Variants in RNF17 observed in about 807,000 individuals in gnomAD.
RNF17 encodes the protein ring finger protein 17.
RNF17 carries 31 observed loss-of-function variants against 200.5 expected under a neutral mutation model. That is an observed-to-expected ratio of 0.15 (90% CI 0.12 to 0.21). The LOEUF (loss-of-function observed/expected upper bound fraction) is 0.21, where lower values mean the gene tolerates loss of function less well. Among genes scored for constraint, RNF17 ranks in the 10% least tolerant of loss-of-function variants. The pLI, the probability that RNF17 is intolerant of heterozygous loss-of-function variation, is 1.00. For missense variants in RNF17, 1,628 were observed against 1,905.1 expected, an observed-to-expected ratio of 0.85 and a Z score of 2.71; for synonymous variants, 606 against 637.8, an observed-to-expected ratio of 0.95 and a Z score of 0.75.
At chr13:24,774,125 T>C (rs558940044) in intron 2 of RNF17, among the ~76,000 whole-genome samples, 2 of 152,364 alleles carry the variant, frequency 1.3e-5, no homozygotes, top group South Asian at 4.1e-4. Flanking sequence ...CAGTGGACTT[T>C]AGGAATTCTA....
Position 24,872,874 on chromosome 13 carries a change from A to G in RNF17, c.4448-1240A>G, listed in dbSNP as rs1450955748. Among the ~76,000 whole-genome samples, 5 of 116,988 alleles carry G rather than the reference A, an allele frequency of 4.3e-5. No individual in the cohort carries two copies. The East Asian group carries it at 1.2e-3, about 27-fold the overall frequency. 76.7% of individuals were successfully genotyped at this position (116,988 alleles called of 152,430 possible). ...AAGGGCTCAGGAAAACTTTAGATGA[A>G]GGGGGACAGCCATGAACTAAATAGA... On this transcript the variant is annotated intron_variant, in intron 32 of 35. Coordinates refer to ENST00000255324, the MANE Select transcript of RNF17 (RefSeq NM_031277.3).
At chr13:24,804,459 G>A (rs1885608795) in intron 15 of RNF17, 30 bp downstream of exon 15, 3 of 1,537,822 alleles carry the variant, frequency 2.0e-6, no homozygotes, top group Non-Finnish European at 2.6e-6. Flanking sequence ...TTGAAATGAA[G>A]TTTTTAAAAA....
intron 15 of RNF17, among the ~76,000 whole-genome samples, chr13:24,813,993 A>G (rs114603118): frequency 0.02 from 3,058 of 152,006 alleles, 106 homozygotes; most frequent in African/African-American, 0.07. Flanking sequence ...ACAAAACTTA[A>G]CTACTAATAG....
chr13:24,764,010 C>G, upstream of RNF17: 1 of 459,090 alleles, frequency 2.2e-6, no homozygotes, highest in Non-Finnish European at 3.9e-6. Flanking sequence ...CCACAAGGCG[C>G]CCCTTCTAGG....
chr13:24,795,790 A>G (rs531325555), intron 10 of RNF17, among the ~76,000 whole-genome samples: 42 of 152,292 alleles, frequency 2.8e-4, no homozygotes, highest in Middle Eastern at 6.8e-3. Flanking sequence ...TGAGTTCCAA[A>G]TATGTTCATA....
the RNF17 span, among the ~76,000 whole-genome samples, chr13:24,754,341 G>A: frequency 6.6e-6 from 1 of 152,056 alleles, no homozygotes; most frequent in Non-Finnish European, 1.5e-5. Context: ...CAGACTCCAG[G>A]AGTAGACATA....
intron 11 of RNF17, among the ~76,000 whole-genome samples, chr13:24,796,885 T>C (rs1884643131): frequency 6.6e-6 from 1 of 152,272 alleles, no homozygotes; most frequent in East Asian, 1.9e-4. Flanking sequence ...ATAGAGTATT[T>C]TTCTCATTAT....
At chr13:24,832,954 C>T (rs1889578306) in intron 18 of RNF17, among the ~76,000 whole-genome samples, 2 of 152,126 alleles carry the variant, frequency 1.3e-5, no homozygotes, top group Admixed American at 1.3e-4. Context: ...CTTTGTTGCT[C>T]AGGCCAGTCT....
intron 29 of RNF17, 66 bp downstream of exon 29, chr13:24,865,064 G>A: frequency 5.2e-6 from 6 of 1,155,816 alleles, no homozygotes; most frequent in South Asian, 1.4e-5. Flanking sequence ...GTCACATTTT[G>A]TCTTACACTG....
At chr13:24,795,439 T>TA (rs56970082) in intron 10 of RNF17, among the ~76,000 whole-genome samples, 4 of 150,350 alleles carry the variant, frequency 2.7e-5, no homozygotes, top group Non-Finnish European at 1.5e-5. Flanking sequence ...TTTTTTTTTT[T>TA]ACACAAAACG....
At chr13:24,764,647 A>G (rs148982900) in intron 1 of RNF17, among the ~76,000 whole-genome samples, 1 of 152,336 alleles carries the variant, frequency 6.6e-6, no homozygotes, top group Non-Finnish European at 1.5e-5. Context: ...GGTGCATGCA[A>G]AAGTAGACAT....
At chr13:24,879,654 T>C (rs1490779682) in intron 35 of RNF17, 83 bp from the exon 36 acceptor site, 1 of 168,422 alleles carries the variant, frequency 5.9e-6, no homozygotes. Context: ...AGCTAACTTT[T>C]TATCTTGTCC....
chr13:24,872,993 C>T (rs1028176939), intron 32 of RNF17, among the ~76,000 whole-genome samples: 2 of 152,132 alleles, frequency 1.3e-5, no homozygotes, highest in African/African-American at 4.8e-5. Flanking sequence ...GAAGCCTGTA[C>T]ATTGTAATAA....
intron 24 of RNF17, among the ~76,000 whole-genome samples, chr13:24,852,597 T>G (rs551287113): frequency 2.6e-5 from 4 of 152,154 alleles, no homozygotes; most frequent in South Asian, 2.1e-4. Flanking sequence ...CCTGATGAAA[T>G]GGAAAGAGAA....
chr13:24,761,630 G>A (rs970261714), upstream of RNF17, among the ~76,000 whole-genome samples: 1 of 152,156 alleles, frequency 6.6e-6, no homozygotes, highest in Non-Finnish European at 1.5e-5. Context: ...GCAGGCAGAG[G>A]GCAAACCTCC....
At chr13:24,752,708 G>A in the RNF17 span, among the ~76,000 whole-genome samples, 1 of 152,266 alleles carries the variant, frequency 6.6e-6, no homozygotes, top group Non-Finnish European at 1.5e-5. Flanking sequence ...GACAGGAAGT[G>A]GAGCTCAGGT....
In RNF17 at chr13:24,868,702, G is replaced by A; in HGVS notation, c.4264G>A (p.Val1422Ile). The A allele has an allele frequency of 6.5e-7, 1 of 1,543,452 alleles. No homozygotes were observed. Among genetic ancestry groups the A allele is most frequent in the South Asian group, 1.1e-5 (1 of 89,372 alleles). Reference sequence around the variant, plus strand: ...CTATGCTGTTCAAGTTAAGCACGTTGTCTCACCTAATGAAGTATGTGATCT... The same window carrying A: ...CTATGCTGTTCAAGTTAAGCACGTTATCTCACCTAATGAAGTATGTGATCT... The part of the protein sequence containing the change: ...ELYAVQVKHV[V>I]SPNEVYICLD... Residue 1422 changes from valine to isoleucine, a missense_variant, in exon 31 of 36, where the codon GTC becomes ATC. By Grantham distance (29) the Val-to-Ile change is conservative (BLOSUM62 3). Transcript: ENST00000255324.
chr13:24,782,287 C>A (rs1328164477), intron 6 of RNF17, among the ~76,000 whole-genome samples: 1 of 151,968 alleles, frequency 6.6e-6, no homozygotes, highest in African/African-American at 2.4e-5. Context: ...GTGATCCTGC[C>A]ACCTCAGCCT....
the RNF17 span, chr13:24,885,680 T>A: frequency 2.5e-6 from 4 of 1,604,778 alleles, no homozygotes; most frequent in Non-Finnish European, 3.4e-6. Context: ...CCTATTAGAA[T>A]AAAATTGTCA....
Sources: gnomAD v4.1 joint callset for allele counts (sites outside exome capture counted in the v4.1 genomes callset) on GRCh38, gnomAD v4.1.1 for gene constraint, MANE v1.5 for transcripts, NCBI Gene and HGNC (gene_info 2026-07-23, HGNC 2026-07-21) for gene names.